The following CUX2 variants were observed in gnomAD, a reference collection of about 807,000 sequenced individuals.
The protein encoded by CUX2 is homeobox protein cut-like 2.
CUX2 carries 40 observed loss-of-function variants against 144.8 expected under a neutral mutation model. The observed-to-expected ratio is 0.28, with a 90% CI of 0.21 to 0.36. CUX2 has a LOEUF of 0.36. Ranked by LOEUF, CUX2 falls within the 10% of genes least tolerant of loss-of-function variation. The probability of loss-of-function intolerance (pLI) is 1.00; values close to 1 mark genes in which losing one functional copy is unlikely to be tolerated. For missense variants in CUX2, 1,615 were observed against 1,994.0 expected (o/e 0.81, Z 3.62); for synonymous variants, 827 against 875.6 (o/e 0.94, Z 0.98).
intron 3 of CUX2, among the ~76,000 whole-genome samples, chr12:111,228,473 G>T (rs575875710): frequency 1.3e-5 from 2 of 152,264 alleles, no homozygotes; most frequent in African/African-American, 4.8e-5. Flanking sequence ...TCCCAGGTTG[G>T]AGTGCATTGT....
chr12:111,091,141 C>T (rs1233978456), intron 1 of CUX2, among the ~76,000 whole-genome samples: 1 of 152,202 alleles, frequency 6.6e-6, no homozygotes, highest in Admixed American at 6.5e-5. Flanking sequence ...TGTAAGGGGT[C>T]ACTCACTGGA....
chr12:111,216,547 T>G (rs1431580112), intron 2 of CUX2, among the ~76,000 whole-genome samples: 8 of 152,228 alleles, frequency 5.3e-5, no homozygotes, highest in African/African-American at 1.9e-4. Flanking sequence ...AGAGGTTCCG[T>G]GCTCATGCTG....
In CUX2 at chr12:111,250,254, G is replaced by A. The variant is rs576741086; in HGVS notation, c.223-13507G>A. ...AATGGAAGCCACTTGCCCACTTCAGGTGTGGGGGTGGGGGTGTCACACAGA... is the reference window on the plus strand; with the variant it reads ...AATGGAAGCCACTTGCCCACTTCAGATGTGGGGGTGGGGGTGTCACACAGA... On this transcript the variant is annotated intron_variant, in intron 3 of 21. Coordinates refer to ENST00000261726, the MANE Select transcript of CUX2 (RefSeq NM_015267.4). Among the ~76,000 whole-genome samples, 6 of 152,202 alleles carry A rather than the reference G, an allele frequency of 3.9e-5. No individual in the cohort carries two copies. In the South Asian group the frequency reaches 1.2e-3, roughly 32 times the overall value.
intron 20 of CUX2, among the ~76,000 whole-genome samples, chr12:111,341,019 T>C (rs1888552336): frequency 6.6e-6 from 1 of 152,144 alleles, no homozygotes. Flanking sequence ...GTGGCAAAAC[T>C]GCTGGCGAGC....
At chr12:111,188,990 G>C (rs1347607631) in intron 1 of CUX2, among the ~76,000 whole-genome samples, 3 of 152,142 alleles carry the variant, frequency 2.0e-5, no homozygotes, top group Non-Finnish European at 2.9e-5. Flanking sequence ...TATTCACACA[G>C]AAAGGTGCAC....
intron 1 of CUX2, among the ~76,000 whole-genome samples, chr12:111,118,359 A>G (rs1251206443): frequency 1.3e-5 from 2 of 152,214 alleles, no homozygotes; most frequent in East Asian, 3.8e-4. Context: ...ACAACATGTT[A>G]AAGCATGATA....
At chr12:111,222,902 G>A (rs1391627245) in intron 3 of CUX2, among the ~76,000 whole-genome samples, 3 of 152,152 alleles carry the variant, frequency 2.0e-5, no homozygotes. Context: ...TTGAGCCCAT[G>A]TAATCATTTA....
intron 1 of CUX2, among the ~76,000 whole-genome samples, chr12:111,060,780 G>T (rs575190797): frequency 6.6e-6 from 1 of 152,176 alleles, no homozygotes; most frequent in African/African-American, 2.4e-5. Flanking sequence ...TGGGAAGTGA[G>T]GACTAGACAA....
In CUX2 at chr12:111,347,727, T is replaced by G; in HGVS notation, c.3863T>G (p.Leu1288Arg). 8 of 1,606,086 alleles carry G rather than the reference T, an allele frequency of 5.0e-6. No individual in the cohort carries two copies. In the South Asian group the frequency reaches 8.8e-5, roughly 18 times the overall value. Reference protein sequence around the residue: ...QEGPEENSTPLTTQDKAQVRI... With the variant: ...QEGPEENSTPRTTQDKAQVRI... ...GGCCCTGAGGAGAACAGCACACCCC[T>G]GACCACCCAGGACAAGGCCCAAGTG... Residue 1288 changes from leucine (L) to arginine (R), a missense_variant, in exon 22 of 22, where the codon CTG becomes CGG. Around this residue, in one of 12 missense-constraint regions of CUX2, gnomAD observed 298 missense variants for 330.4 expected, o/e 0.90. Transcript: ENST00000261726.
intron 1 of CUX2, among the ~76,000 whole-genome samples, chr12:111,205,274 G>A (rs900253667): frequency 1.3e-5 from 2 of 152,030 alleles, no homozygotes; most frequent in Non-Finnish European, 2.9e-5. Flanking sequence ...CTGCCCCGCA[G>A]TAGATAGAAC....
At chr12:111,138,491 C>T (rs1182545250) in intron 1 of CUX2, among the ~76,000 whole-genome samples, 1 of 152,054 alleles carries the variant, frequency 6.6e-6, no homozygotes, top group African/African-American at 2.4e-5. Context: ...TGTGTGGCCT[C>T]GGTCAGGCTG....
intron 1 of CUX2, among the ~76,000 whole-genome samples, chr12:111,131,206 G>A (rs1875452793): frequency 6.6e-6 from 1 of 152,096 alleles, no homozygotes; most frequent in Admixed American, 6.6e-5. Flanking sequence ...GGTGGCAAGA[G>A]AAAAAAATGA....
chr12:111,268,200 G>C (rs1374257325), intron 4 of CUX2, among the ~76,000 whole-genome samples: 4 of 137,326 alleles, frequency 2.9e-5, no homozygotes, highest in Admixed American at 7.0e-5. Context: ...AAGACACTTT[G>C]GTTTTTGTTT....
chr12:111,276,858 G>T (rs1010547511), intron 4 of CUX2, among the ~76,000 whole-genome samples: 14 of 152,148 alleles, frequency 9.2e-5, no homozygotes, highest in Admixed American at 4.6e-4. Context: ...ATATTGGCTA[G>T]GCTAGTCTCG....
intron 18 of CUX2, among the ~76,000 whole-genome samples, chr12:111,323,097 TA>T (rs1215788069): frequency 1.3e-5 from 2 of 152,140 alleles, no homozygotes; most frequent in African/African-American, 4.8e-5. Context: ...CCGGAAGTGC[TA>T]GGGGGAGCCC....
chr12:111,048,444 G>C (rs981616639), intron 1 of CUX2, among the ~76,000 whole-genome samples: 1 of 152,232 alleles, frequency 6.6e-6, no homozygotes, highest in Non-Finnish European at 1.5e-5. Context: ...CCCCAGCAAG[G>C]TGGGAGCTGT....
rs140681277 is a variant in CUX2, at chr12:111,202,221, G to A, written c.64-11979G>A. 2.2e-3 allele frequency among the ~76,000 whole-genome samples: 337 copies of A among 152,314 alleles called. 1 individual carries two copies. Among genetic ancestry groups the A allele is most frequent in the African/African-American group, 7.2e-3 (298 of 41,568 alleles). On this transcript the variant is annotated intron_variant, in intron 1 of 21. Coordinates refer to ENST00000261726, the MANE Select transcript of CUX2 (RefSeq NM_015267.4). ...GGCCTCTCACCCAGTTGGACCAGAC[G>A]TGTCAGCCCTAAGAGGGGCACAAGG...
intron 1 of CUX2, among the ~76,000 whole-genome samples, chr12:111,177,678 A>G (rs1282732720): frequency 6.6e-6 from 1 of 152,238 alleles, no homozygotes; most frequent in African/African-American, 2.4e-5. Context: ...GGCGTGAGCC[A>G]CCGTGCCCAG....
chr12:111,217,174 A>G (rs1396464965), intron 2 of CUX2, among the ~76,000 whole-genome samples: 1 of 152,212 alleles, frequency 6.6e-6, no homozygotes, highest in African/African-American at 2.4e-5. Context: ...CCAGGAAATT[A>G]GAGTCTGGAA....
Sources: gnomAD v4.1 joint callset for allele counts (sites outside exome capture counted in the v4.1 genomes callset) on GRCh38, gnomAD v4.1.1 for gene constraint, gnomAD v4.1.1 regional missense constraint, MANE v1.5 for transcripts, NCBI Gene and HGNC (gene_info 2026-07-23, HGNC 2026-07-21) for gene names.